Variants in SLC71A2 observed in about 807,000 individuals in gnomAD.
The protein encoded by SLC71A2 is solute carrier family 71 member 2.
At chr9:94,427,412 T>G in the SLC71A2 span, among the ~76,000 whole-genome samples, 2 of 151,946 alleles carry the variant, frequency 1.3e-5, no homozygotes, top group African/African-American at 4.8e-5. Flanking sequence ...AGAAATTACA[T>G]GAGATCTATT....
the SLC71A2 span, chr9:94,451,552 A>T: frequency 8.4e-7 from 1 of 1,189,672 alleles, no homozygotes; most frequent in Non-Finnish European, 1.2e-6. Flanking sequence ...ATCTATACTT[A>T]AAAAATTTAA....
At chr9:94,459,077 G>GTT in the SLC71A2 span, 2 of 1,408,734 alleles carry the variant, frequency 1.4e-6, no homozygotes, top group African/African-American at 1.4e-5. Flanking sequence ...TTGGTGGTGT[G>GTT]TTTTTTTTGG....
At chr9:94,412,262 T>C in the SLC71A2 span, among the ~76,000 whole-genome samples, 3 of 152,274 alleles carry the variant, frequency 2.0e-5, no homozygotes, top group Non-Finnish European at 2.9e-5. Context: ...GTCTTTTTCT[T>C]AACATTTTTA....
At chr9:94,408,135 A>G in the SLC71A2 span, among the ~76,000 whole-genome samples, 2 of 152,188 alleles carry the variant, frequency 1.3e-5, no homozygotes, top group African/African-American at 4.8e-5. Flanking sequence ...TTGATGGTTG[A>G]ACTTAAGATT....
chr9:94,459,473 C>G, the SLC71A2 span: 21 of 1,584,372 alleles, frequency 1.3e-5, no homozygotes, highest in African/African-American at 2.7e-4. Flanking sequence ...GGAGCCACAC[C>G]CCTGGTGACT....
the SLC71A2 span, among the ~76,000 whole-genome samples, chr9:94,457,337 G>T: frequency 6.6e-6 from 1 of 151,902 alleles, no homozygotes; most frequent in South Asian, 2.1e-4. Context: ...TCACCTTATT[G>T]TATTCAGGAA....
the SLC71A2 span, among the ~76,000 whole-genome samples, chr9:94,429,566 A>G: frequency 2.6e-5 from 4 of 151,950 alleles, no homozygotes; most frequent in Non-Finnish European, 5.9e-5. Flanking sequence ...AAAGTGGGCA[A>G]TTGCTACCAT....
At chr9:94,438,424 C>G in the SLC71A2 span, 9 of 1,613,828 alleles carry the variant, frequency 5.6e-6, no homozygotes, top group East Asian at 2.0e-4. Flanking sequence ...TTTTGAGTGC[C>G]CCACTCATTG....
At chr9:94,418,652 T>A in the SLC71A2 span, among the ~76,000 whole-genome samples, 1 of 152,142 alleles carries the variant, frequency 6.6e-6, no homozygotes, top group Non-Finnish European at 1.5e-5. Flanking sequence ...GCCAGGCTGG[T>A]CTCGAACTCC....
chr9:94,380,468 T>C, the SLC71A2 span, among the ~76,000 whole-genome samples: 1 of 101,222 alleles, frequency 9.9e-6, no homozygotes, highest in South Asian at 4.0e-4. Flanking sequence ...TTAATGTGTA[T>C]TTATTTATTT....
the SLC71A2 span, among the ~76,000 whole-genome samples, chr9:94,381,815 A>G: frequency 9.2e-5 from 14 of 152,280 alleles, no homozygotes; most frequent in Admixed American, 9.2e-4. Context: ...TAAAAAAATA[A>G]TAAAATAAAA....
At chr9:94,458,195 G>T in the SLC71A2 span, 5 of 615,178 alleles carry the variant, frequency 8.1e-6, no homozygotes, top group South Asian at 2.5e-5. Context: ...ACTTTCATTA[G>T]CATGCTTTCT....
At chr9:94,409,129 CTTTT>C in the SLC71A2 span, among the ~76,000 whole-genome samples, 19 of 68,232 alleles carry the variant, frequency 2.8e-4, no homozygotes, top group Middle Eastern at 0.024. Flanking sequence ...GCCCGGCCTC[CTTTT>C]TTTTTTTTTT....
chr9:94,399,746 G>T, the SLC71A2 span, among the ~76,000 whole-genome samples: 1 of 151,838 alleles, frequency 6.6e-6, no homozygotes, highest in African/African-American at 2.4e-5. Context: ...GGTCGATCTA[G>T]GTCTTGTTTC....
chr9:94,382,907 A>G, the SLC71A2 span, among the ~76,000 whole-genome samples: 1 of 152,058 alleles, frequency 6.6e-6, no homozygotes, highest in African/African-American at 2.4e-5. Flanking sequence ...GCTAGCCAGG[A>G]TGGTCTCAAT....
At chr9:94,442,818 C>G in the SLC71A2 span, among the ~76,000 whole-genome samples, 1 of 151,614 alleles carries the variant, frequency 6.6e-6, no homozygotes, top group South Asian at 2.1e-4. Flanking sequence ...CCACTACACT[C>G]CAGGCTGGCG....
chr9:94,402,143 C>T, the SLC71A2 span, among the ~76,000 whole-genome samples: 29 of 152,256 alleles, frequency 1.9e-4, no homozygotes, highest in South Asian at 5.6e-3. Flanking sequence ...CTTGTGCTCC[C>T]TATCTTCATC....
chr9:94,449,735 T>C, the SLC71A2 span, among the ~76,000 whole-genome samples: 2 of 152,222 alleles, frequency 1.3e-5, no homozygotes, highest in African/African-American at 4.8e-5. Flanking sequence ...TATATACCCA[T>C]GAGACATGAA....
At chr9:94,453,874 A>G in the SLC71A2 span, 1 of 910,430 alleles carries the variant, frequency 1.1e-6, no homozygotes. Context: ...TCTGGTCATC[A>G]GGGAAGGGTC....
Sources: gnomAD v4.1 joint callset for allele counts (sites outside exome capture counted in the v4.1 genomes callset) on GRCh38, gnomAD v4.1.1 for gene constraint, MANE v1.5 for transcripts, NCBI Gene and HGNC (gene_info 2026-07-23, HGNC 2026-07-21) for gene names.